Variants in PLEKHA7 observed in about 807,000 individuals in gnomAD.
PLEKHA7 encodes pleckstrin homology domain-containing family A member 7.
In PLEKHA7, 104 loss-of-function variants were observed where a neutral mutation model predicts 170.0. That is an observed-to-expected ratio of 0.61 (90% CI 0.52 to 0.72). PLEKHA7 has a LOEUF of 0.72. Among genes scored for constraint, PLEKHA7 ranks in the 30% least tolerant of loss-of-function variants. The pLI, the probability that PLEKHA7 is intolerant of heterozygous loss-of-function variation, is 0.00. For missense variants in PLEKHA7, 1,615 were observed against 1,671.7 expected (o/e 0.97, Z 0.59); for synonymous variants, 648 against 660.8 (o/e 0.98, Z 0.30).
At chr11:16,836,269 G>A (rs1851505001) in intron 9 of PLEKHA7, among the ~76,000 whole-genome samples, 1 of 152,206 alleles carries the variant, frequency 6.6e-6, no homozygotes. Context: ...GAAGAGCCCA[G>A]AGTCTGAGAA....
At chr11:16,989,742 T>C (rs1256441138) in intron 3 of PLEKHA7, among the ~76,000 whole-genome samples, 8 of 152,242 alleles carry the variant, frequency 5.3e-5, no homozygotes, top group Non-Finnish European at 8.8e-5. Flanking sequence ...CAAGTGATTA[T>C]ATGAACAAGT....
At chr11:16,957,194 T>C (rs1861750840) in intron 3 of PLEKHA7, among the ~76,000 whole-genome samples, 1 of 152,236 alleles carries the variant, frequency 6.6e-6, no homozygotes, top group Non-Finnish European at 1.5e-5. Context: ...GAATACATGT[T>C]CTTGTTAATC....
At chr11:16,950,385 A>C (rs1332665971) in intron 3 of PLEKHA7, among the ~76,000 whole-genome samples, 2 of 152,168 alleles carry the variant, frequency 1.3e-5, no homozygotes, top group Non-Finnish European at 2.9e-5. Context: ...TCCTGGTGCA[A>C]AGCTGTCCCC....
intron 3 of PLEKHA7, among the ~76,000 whole-genome samples, chr11:16,922,519 CAGGGTAT>C (rs1303421495): frequency 6.6e-6 from 1 of 152,196 alleles, no homozygotes; most frequent in African/African-American, 2.4e-5. Flanking sequence ...TGGGTACTCA[CAGGGTAT>C]AGGCCTGGAA....
intron 10 of PLEKHA7, among the ~76,000 whole-genome samples, chr11:16,824,518 A>G (rs56329809): frequency 0.017 from 2,575 of 152,348 alleles, 86 homozygotes; most frequent in African/African-American, 0.06. Flanking sequence ...ACCCACAAAA[A>G]TTAAACAAAG....
intron 8 of PLEKHA7, among the ~76,000 whole-genome samples, chr11:16,844,922 C>A (rs923927233): frequency 6.6e-6 from 1 of 152,220 alleles, no homozygotes; most frequent in African/African-American, 2.4e-5. Flanking sequence ...GTGAAAGGCA[C>A]CCTACCAAAG....
At chr11:16,868,308 C>T (rs1476287025) in intron 4 of PLEKHA7, among the ~76,000 whole-genome samples, 1 of 152,206 alleles carries the variant, frequency 6.6e-6, no homozygotes, top group Non-Finnish European at 1.5e-5. Flanking sequence ...GAACTCATGT[C>T]CCCTGGAACC....
At chr11:16,925,154 G>A (rs978721121) in intron 3 of PLEKHA7, among the ~76,000 whole-genome samples, 1 of 152,232 alleles carries the variant, frequency 6.6e-6, no homozygotes, top group African/African-American at 2.4e-5. Flanking sequence ...TGTCCCCGCA[G>A]CCCGCACGCC....
chr11:16,861,763 T>G (rs1320781022), intron 4 of PLEKHA7, among the ~76,000 whole-genome samples: 3 of 152,294 alleles, frequency 2.0e-5, no homozygotes, highest in South Asian at 2.1e-4. Context: ...CATTAATTCC[T>G]GGGAAAGCTG....
At chr11:16,946,096 A>G (rs1488313805) in intron 3 of PLEKHA7, among the ~76,000 whole-genome samples, 1 of 152,030 alleles carries the variant, frequency 6.6e-6, no homozygotes, top group Non-Finnish European at 1.5e-5. Context: ...ACCTCTCCTC[A>G]TGGGGGCAGC....
intron 8 of PLEKHA7, among the ~76,000 whole-genome samples, chr11:16,847,503 C>A (rs1179618236): frequency 1.3e-5 from 2 of 152,034 alleles, no homozygotes; most frequent in Non-Finnish European, 2.9e-5. Context: ...AAAAATGTGG[C>A]TAGAGATATA....
At chr11:16,857,197 T>C (rs1023948989) in intron 4 of PLEKHA7, among the ~76,000 whole-genome samples, 1 of 152,254 alleles carries the variant, frequency 6.6e-6, no homozygotes, top group African/African-American at 2.4e-5. Context: ...AGGGAAGTTC[T>C]CTGCAGAAGT....
At position 16,851,257 on chromosome 11, in the gene PLEKHA7, G is replaced by A. The variant is rs371995964; in HGVS notation, c.630C>T (p.Pro210=). ...CAGGAGAGATCACGTAGCTGGGCAA[G>A]GGGATGCTCCCGAGGACCGCTTCTT... The part of the protein sequence containing the change: ...SREEAVLGSI[P]LPSYVISPVA... Residue 210 remains proline (P), a synonymous_variant, in exon 8 of 27, where the codon CCC becomes CCT. Coordinates refer to ENST00000531066, the MANE Select transcript of PLEKHA7 (RefSeq NM_001329630.2). The A allele has an allele frequency of 2.5e-6, 4 of 1,612,080 alleles. No individual in the cohort carries two copies. Among genetic ancestry groups the A allele is most frequent in the Non-Finnish European group, 3.4e-6 (4 of 1,179,064 alleles).
intron 4 of PLEKHA7, among the ~76,000 whole-genome samples, chr11:16,857,760 C>T (rs1001302194): frequency 6.6e-5 from 10 of 152,336 alleles, no homozygotes; most frequent in African/African-American, 2.4e-4. Context: ...GCTCTGTCGC[C>T]CGGGCTGGAG....
At chr11:16,901,319 G>A (rs1233890108) in intron 3 of PLEKHA7, among the ~76,000 whole-genome samples, 1 of 152,132 alleles carries the variant, frequency 6.6e-6, no homozygotes, top group Non-Finnish European at 1.5e-5. Context: ...CCAGACAATA[G>A]GCTGAGAGCT....
chr11:16,994,862 T>G (rs1418242502), intron 3 of PLEKHA7, among the ~76,000 whole-genome samples: 1 of 152,140 alleles, frequency 6.6e-6, no homozygotes, highest in East Asian at 1.9e-4. Context: ...CACAGTATCC[T>G]CTGGTCATTG....
chr11:16,858,444 G>A lies in PLEKHA7; in HGVS notation c.306-2530C>T, dbSNP rs531115398. 1.6e-4 allele frequency among the ~76,000 whole-genome samples: 24 copies of A among 152,200 alleles called. 1 individual carries two copies. The East Asian group carries it at 4.4e-3, about 28-fold the overall frequency. ...GATTTGTGACTGGCCAGGAAATCCA[G>A]GACAAATAGCTACTTTTGCCATTTT... is the stretch of plus-strand genomic sequence containing the variant. On this transcript the variant is annotated intron_variant, in intron 4 of 26. Coordinates refer to ENST00000531066, the MANE Select transcript of PLEKHA7 (RefSeq NM_001329630.2).
intron 3 of PLEKHA7, among the ~76,000 whole-genome samples, chr11:16,906,490 T>G (rs1452082767): frequency 1.4e-5 from 2 of 140,448 alleles, no homozygotes; most frequent in South Asian, 4.7e-4. Context: ...CTGACTGGTT[T>G]TCGTATTTTT....
chr11:16,784,893 G>A (rs975196038), intron 24 of PLEKHA7, among the ~76,000 whole-genome samples: 3 of 152,162 alleles, frequency 2.0e-5, no homozygotes, highest in African/African-American at 7.2e-5. Flanking sequence ...TTTTCCCTGG[G>A]CTGGCAGGCA....
Sources: gnomAD v4.1 joint callset for allele counts (sites outside exome capture counted in the v4.1 genomes callset) on GRCh38, gnomAD v4.1.1 for gene constraint, MANE v1.5 for transcripts, NCBI Gene and HGNC (gene_info 2026-07-23, HGNC 2026-07-21) for gene names.